TGFBR3: variants seen among roughly 807,000 people sequenced by gnomAD.
TGFBR3 encodes the protein transforming growth factor beta receptor type 3.
In TGFBR3, 46 loss-of-function variants were observed where a neutral mutation model predicts 87.9. That is an observed-to-expected ratio of 0.52 (90% CI 0.41 to 0.67). The LOEUF is 0.67. TGFBR3 is among the 30% of genes least tolerant of loss of function. The probability of loss-of-function intolerance (pLI) is 0.00; values close to 1 mark genes in which losing one functional copy is unlikely to be tolerated. For synonymous variants in TGFBR3, 381 were observed against 391.6 expected, an observed-to-expected ratio of 0.97 and a Z score of 0.32; for missense variants, 866 against 1,041.9, an observed-to-expected ratio of 0.83 and a Z score of 2.32.
chr1:91,740,747 C>T (rs1471054414), intron 4 of TGFBR3, among the ~76,000 whole-genome samples: 3 of 152,188 alleles, frequency 2.0e-5, no homozygotes, highest in Non-Finnish European at 4.4e-5. Flanking sequence ...CAAGATATTT[C>T]CAGGTCATTC....
At chr1:91,804,331 G>A (rs1222061492) in intron 2 of TGFBR3, among the ~76,000 whole-genome samples, 1 of 152,086 alleles carries the variant, frequency 6.6e-6, no homozygotes, top group Non-Finnish European at 1.5e-5. Context: ...CACTCTTCTG[G>A]CCAATCCCCT....
intron 1 of TGFBR3, among the ~76,000 whole-genome samples, chr1:91,870,225 C>T (rs1678533333): frequency 6.6e-6 from 1 of 152,206 alleles, no homozygotes; most frequent in Non-Finnish European, 1.5e-5. Context: ...AGTCCAAGAA[C>T]TCTACCAATA....
At chr1:91,839,936 A>G (rs1677205637) in intron 2 of TGFBR3, among the ~76,000 whole-genome samples, 1 of 152,190 alleles carries the variant, frequency 6.6e-6, no homozygotes, top group Non-Finnish European at 1.5e-5. Context: ...AAGCTGAGTG[A>G]TAAGCCTAAA....
rs1557683419 is a variant in TGFBR3, at chr1:91,734,930, T to C, written c.414A>G (p.Ser138=). The C allele has an allele frequency of 1.2e-6, 2 of 1,614,108 alleles. No homozygotes were observed. Among genetic ancestry groups the C allele is most frequent in the Non-Finnish European group, 1.7e-6 (2 of 1,180,024 alleles). ...CTGCTGTCAAGGAGAAGTTTGCTGA[T>C]GAAAACTGGACCACAGAACCCTCAG... ...LVSEGSVVQF[S]SANFSLTAET... Residue 138 remains serine, a synonymous_variant, in exon 5 of 17, where the codon TCA becomes TCG. Transcript: ENST00000212355.
intron 3 of TGFBR3, among the ~76,000 whole-genome samples, chr1:91,782,483 A>G (rs897872943): frequency 1.3e-5 from 2 of 152,162 alleles, no homozygotes; most frequent in African/African-American, 2.4e-5. Context: ...TTACCTTCAG[A>G]AACTGCTGCC....
chr1:91,885,370 G>T lies in TGFBR3; in HGVS notation c.-114+508C>A, dbSNP rs532617933. 8.9e-5 allele frequency among the ~76,000 whole-genome samples: 12 copies of T among 134,184 alleles called. 1 individual carries two copies. The highest frequency in any genetic ancestry group is 5.4e-4 in the South Asian group (2 of 3,692). The allele number at this position is 134,184 out of a possible 152,430, so 88.0% of individuals were successfully genotyped here. On this transcript the variant is annotated intron_variant, in intron 1 of 16. Coordinates refer to ENST00000212355, the MANE Select transcript of TGFBR3 (RefSeq NM_003243.5). ...TTCAAAATAAACCGGGGCGGGGGGG[G>T]GCCGAGCTGCAGCTTGCGGCTCAGC...
intron 2 of TGFBR3, among the ~76,000 whole-genome samples, chr1:91,807,359 G>T (rs1474217114): frequency 6.6e-6 from 1 of 152,130 alleles, no homozygotes; most frequent in Non-Finnish European, 1.5e-5. Context: ...ATCTTATCAT[G>T]GTTTCTTTCA....
chr1:91,828,082 C>A (rs955190448), intron 2 of TGFBR3, among the ~76,000 whole-genome samples: 1 of 152,202 alleles, frequency 6.6e-6, no homozygotes, highest in African/African-American at 2.4e-5. Context: ...CTGAGGTCTG[C>A]TTCTCAAAGC....
At chr1:91,816,175 A>C (rs183250342) in intron 2 of TGFBR3, among the ~76,000 whole-genome samples, 142 of 152,330 alleles carry the variant, frequency 9.3e-4, no homozygotes, top group Middle Eastern at 3.4e-3. Flanking sequence ...CAAGAGGAAA[A>C]AATAGATCAA....
intron 1 of TGFBR3, among the ~76,000 whole-genome samples, chr1:91,875,990 G>A (rs1392985190): frequency 7.6e-6 from 1 of 130,942 alleles, no homozygotes; most frequent in Non-Finnish European, 1.6e-5. Context: ...AGGAAAACCA[G>A]GAGAACTCGT....
intron 2 of TGFBR3, among the ~76,000 whole-genome samples, chr1:91,797,874 T>C (rs1251082632): frequency 2.6e-5 from 4 of 152,222 alleles, no homozygotes. Context: ...AAGTATAAGA[T>C]ACAGATCCTA....
upstream of TGFBR3, among the ~76,000 whole-genome samples, chr1:91,890,604 G>A (rs1679424337): frequency 6.6e-6 from 1 of 151,684 alleles, no homozygotes; most frequent in South Asian, 2.1e-4. Context: ...ATTTTTAGTA[G>A]AGACAAGGTT....
rs1242500115 is a variant in TGFBR3, at chr1:91,757,177, T to G, written c.384+1436A>C. 2.0e-5 allele frequency among the ~76,000 whole-genome samples: 3 copies of G among 152,336 alleles called. No individual in the cohort carries two copies. In the South Asian group the frequency reaches 6.2e-4, roughly 32 times the overall value. ...CTCCCCAGCCTTTCTCTGTCTTTCA[T>G]GACTGATACTTTTGAAGATTATAGG... On this transcript the variant is annotated intron_variant, in intron 4 of 16. Transcript: ENST00000212355.
chr1:91,852,291 C>T (rs755294947), intron 2 of TGFBR3, among the ~76,000 whole-genome samples: 3 of 152,112 alleles, frequency 2.0e-5, no homozygotes, highest in Non-Finnish European at 4.4e-5. Flanking sequence ...CTATCCACCC[C>T]ACCTCCACAC....
chr1:91,685,924 T>A (rs971417631), intron 16 of TGFBR3, among the ~76,000 whole-genome samples: 1 of 152,320 alleles, frequency 6.6e-6, no homozygotes, highest in African/African-American at 2.4e-5. Context: ...GATCCTCACA[T>A]AATCAATCAG....
intron 1 of TGFBR3, among the ~76,000 whole-genome samples, chr1:91,877,230 T>C (rs1453691016): frequency 2.0e-5 from 3 of 152,226 alleles, no homozygotes; most frequent in African/African-American, 7.2e-5. Context: ...TGTTCAGCTA[T>C]GTCCCATTCA....
intron 2 of TGFBR3, among the ~76,000 whole-genome samples, chr1:91,810,503 C>T (rs1346673751): frequency 6.6e-6 from 1 of 152,124 alleles, no homozygotes; most frequent in East Asian, 1.9e-4. Flanking sequence ...CTCTACTTAC[C>T]AGAAACTCCA....
intron 2 of TGFBR3, among the ~76,000 whole-genome samples, chr1:91,842,060 C>T (rs1271354893): frequency 6.6e-6 from 1 of 151,258 alleles, no homozygotes; most frequent in East Asian, 1.9e-4. Context: ...AAGAAATGTG[C>T]CCCTGCACTC....
chr1:91,814,433 T>A (rs1228100315), intron 2 of TGFBR3, among the ~76,000 whole-genome samples: 1 of 152,160 alleles, frequency 6.6e-6, no homozygotes, highest in Non-Finnish European at 1.5e-5. Flanking sequence ...TACTTTTTTT[T>A]AATCAAACAA....
Sources: gnomAD v4.1 joint callset for allele counts (sites outside exome capture counted in the v4.1 genomes callset) on GRCh38, gnomAD v4.1.1 for gene constraint, MANE v1.5 for transcripts, NCBI Gene and HGNC (gene_info 2026-07-23, HGNC 2026-07-21) for gene names.